Variants in SHANK2 observed in about 807,000 individuals in gnomAD.
SHANK2 encodes the protein SH3 and multiple ankyrin repeat domains protein 2.
In SHANK2, 43 loss-of-function variants were observed where a neutral mutation model predicts 133.7. That is an observed-to-expected ratio of 0.32 (90% CI 0.25 to 0.41). The LOEUF is 0.41. Ranked by LOEUF, SHANK2 falls within the 10% of genes least tolerant of loss-of-function variation. SHANK2 has a pLI of 1.00. For missense variants in SHANK2, 1,994 were observed against 2,235.8 expected (o/e 0.89, Z 2.18); for synonymous variants, 1,017 against 952.8 (o/e 1.07, Z -1.24).
rs1948088410 is a variant in SHANK2, at chr11:70,803,264, C to T, written c.1663+3738G>A. 1.4e-4 allele frequency among the ~76,000 whole-genome samples: 9 copies of T among 66,494 alleles called. No individual in the cohort carries two copies. The South Asian group carries it at 4.8e-3, about 36-fold the overall frequency. The allele number at this position is 66,494 out of a possible 152,430, so 43.6% of individuals were successfully genotyped here. ...AACTACCCACCTATCCACTCATTCA[C>T]CCACCTATCAAACTCAACCGCACAT... On this transcript the variant is annotated intron_variant, in intron 13 of 25. Transcript: ENST00000601538.
rs1466206835 is a variant in SHANK2, at chr11:70,599,905, G to GAAAAAGAAAGAAAGAGAAAGAA, written c.2061+59922_2061+59923insTTCTTTCTCTTTCTTTCTTTTT. Among the ~76,000 whole-genome samples, 118 of 73,712 alleles carry GAAAAAGAAAGAAAGAGAAAGAA rather than the reference G, an allele frequency of 1.6e-3. 1 individual carries two copies. Among genetic ancestry groups the GAAAAAGAAAGAAAGAGAAAGAA allele is most frequent in the South Asian group, 8.3e-3 (16 of 1,938 alleles). The allele number at this position is 73,712 out of a possible 152,430, so 48.4% of individuals were successfully genotyped here. On this transcript the variant is annotated intron_variant, in intron 17 of 25. Transcript: ENST00000601538. ...AAAGAAAGAAAAAGAAAGAAAGAAA[G>GAAAAAGAAAGAAAGAGAAAGAA]AGAAAGAAAGAAAGAAAGAAAGAAA...
At chr11:70,853,189 T>A (rs782041833) in intron 11 of SHANK2, among the ~76,000 whole-genome samples, 8 of 152,156 alleles carry the variant, frequency 5.3e-5, no homozygotes, top group Non-Finnish European at 8.8e-5. Flanking sequence ...AAATGAAACA[T>A]GAGCAACACT....
intron 17 of SHANK2, among the ~76,000 whole-genome samples, chr11:70,637,968 G>C (rs532637402): frequency 6.6e-6 from 1 of 152,164 alleles, no homozygotes; most frequent in South Asian, 2.1e-4. Context: ...ACAGGTTCTC[G>C]GGGAATGCTC....
chr11:70,952,897 A>T (rs572625299), intron 10 of SHANK2: 154 of 262,906 alleles, frequency 5.9e-4, no homozygotes, highest in Admixed American at 1.2e-3. Flanking sequence ...GCCAGTGTCC[A>T]AAATGGCATC....
chr11:70,504,614 G>C (rs148352234), intron 17 of SHANK2, among the ~76,000 whole-genome samples: 2 of 152,218 alleles, frequency 1.3e-5, no homozygotes, highest in Non-Finnish European at 1.5e-5. Context: ...CCTGAAGATA[G>C]AGTCTTGGGA....
At chr11:70,801,179 C>T (rs1948036037) in intron 13 of SHANK2, among the ~76,000 whole-genome samples, 1 of 152,216 alleles carries the variant, frequency 6.6e-6, no homozygotes, top group Non-Finnish European at 1.5e-5. Flanking sequence ...GAGAATCACA[C>T]CTTTTAGTTC....
intron 11 of SHANK2, among the ~76,000 whole-genome samples, chr11:70,873,881 C>T (rs1555070689): frequency 1.3e-5 from 2 of 152,190 alleles, no homozygotes; most frequent in African/African-American, 2.4e-5. Flanking sequence ...CACTAGCACG[C>T]TGGGCAAGCT....
intron 12 of SHANK2, among the ~76,000 whole-genome samples, chr11:70,816,491 C>T (rs1948399586): frequency 6.6e-6 from 1 of 152,234 alleles, no homozygotes; most frequent in South Asian, 2.1e-4. Flanking sequence ...AGAAAGAGCT[C>T]TGGGTCACCC....
chr11:70,878,672 C>A (rs1471577854), intron 11 of SHANK2, among the ~76,000 whole-genome samples: 1 of 152,144 alleles, frequency 6.6e-6, no homozygotes, highest in Non-Finnish European at 1.5e-5. Context: ...TATTTTTCAG[C>A]CTCTACTTGA....
At chr11:70,568,677 GC>G (rs1348725677) in intron 17 of SHANK2, among the ~76,000 whole-genome samples, 9 of 95,716 alleles carry the variant, frequency 9.4e-5, no homozygotes, top group Admixed American at 8.7e-4. Context: ...CCGGCCGGGA[GC>G]TGTTCTTTTC....
At chr11:70,701,586 C>T (rs546860420) in intron 14 of SHANK2, among the ~76,000 whole-genome samples, 1 of 151,108 alleles carries the variant, frequency 6.6e-6, no homozygotes, top group African/African-American at 2.4e-5. Context: ...TTTTTTTTTT[C>T]GTAGAGACGG....
chr11:70,833,778 C>G (rs1392388117), intron 11 of SHANK2, among the ~76,000 whole-genome samples: 1 of 152,214 alleles, frequency 6.6e-6, no homozygotes, highest in African/African-American at 2.4e-5. Context: ...ATTATTACAA[C>G]AGCTTGTTGA....
intron 14 of SHANK2, among the ~76,000 whole-genome samples, chr11:70,781,908 T>C (rs1489768476): frequency 6.6e-6 from 1 of 151,896 alleles, no homozygotes; most frequent in Non-Finnish European, 1.5e-5. Flanking sequence ...GTGGCACATG[T>C]ACACCATGGA....
chr11:71,178,747 G>C (rs1291222439), intron 2 of SHANK2, among the ~76,000 whole-genome samples: 1 of 152,322 alleles, frequency 6.6e-6, no homozygotes, highest in East Asian at 1.9e-4. Flanking sequence ...ACTTTGGGAG[G>C]CTGAGGCAGG....
At chr11:71,113,164 C>T in intron 5 of SHANK2, 129 bp downstream of exon 5, 7 of 855,152 alleles carry the variant, frequency 8.2e-6, no homozygotes, top group South Asian at 6.6e-5. Flanking sequence ...TACATCCCAG[C>T]CCAGCCACAC....
intron 15 of SHANK2, among the ~76,000 whole-genome samples, chr11:70,693,367 T>G (rs1312155970): frequency 6.6e-6 from 1 of 152,250 alleles, no homozygotes; most frequent in Non-Finnish European, 1.5e-5. Flanking sequence ...TGGCTATTCC[T>G]GCAGTGTCGA....
At chr11:71,157,008 C>G (rs1359719783) in intron 2 of SHANK2, among the ~76,000 whole-genome samples, 4 of 152,154 alleles carry the variant, frequency 2.6e-5, no homozygotes, top group Non-Finnish European at 5.9e-5. Context: ...GGAGATATAC[C>G]TAATGTAAAT....
intron 3 of SHANK2, 37 bp downstream of exon 3, chr11:71,147,083 T>C: frequency 6.6e-7 from 1 of 1,511,762 alleles, no homozygotes; most frequent in Non-Finnish European, 8.9e-7. Context: ...GGTGACATTG[T>C]CCAGATGTGA....
intron 15 of SHANK2, among the ~76,000 whole-genome samples, chr11:70,693,257 G>A (rs573764687): frequency 1.3e-5 from 2 of 152,178 alleles, no homozygotes; most frequent in East Asian, 3.9e-4. Context: ...TCTGCCTAAC[G>A]CCCTCCAATG....
Sources: gnomAD v4.1 joint callset for allele counts (sites outside exome capture counted in the v4.1 genomes callset) on GRCh38, gnomAD v4.1.1 for gene constraint, MANE v1.5 for transcripts, NCBI Gene and HGNC (gene_info 2026-07-23, HGNC 2026-07-21) for gene names.